The following GPC5 variants were observed in gnomAD, a reference collection of about 807,000 sequenced individuals.
GPC5 encodes glypican 5.
In GPC5, 47 loss-of-function variants were observed where a neutral mutation model predicts 53.9. That is an observed-to-expected ratio of 0.87 (90% CI 0.69 to 1.11). The LOEUF (loss-of-function observed/expected upper bound fraction) is 1.11, where lower values mean the gene tolerates loss of function less well. Among genes scored for constraint, GPC5 ranks in the 50% most tolerant of loss-of-function variants. GPC5 has a pLI of 0.00. For synonymous variants in GPC5, 286 were observed against 263.3 expected, an observed-to-expected ratio of 1.09 and a Z score of -0.84; for missense variants, 748 against 713.1, an observed-to-expected ratio of 1.05 and a Z score of -0.56.
chr13:91,581,204 G>A (rs2139088074), intron 2 of GPC5, among the ~76,000 whole-genome samples: 1 of 152,262 alleles, frequency 6.6e-6, no homozygotes, highest in East Asian at 1.9e-4. Context: ...CTTTACATAT[G>A]TGTCTATGTG....
chr13:92,067,251 C>T (rs1431914155), intron 6 of GPC5, among the ~76,000 whole-genome samples: 1 of 151,922 alleles, frequency 6.6e-6, no homozygotes, highest in East Asian at 1.9e-4. Flanking sequence ...AATGAAGGAA[C>T]AATATGTTTT....
At chr13:92,249,565 A>C (rs1022477171) in intron 7 of GPC5, among the ~76,000 whole-genome samples, 1 of 151,834 alleles carries the variant, frequency 6.6e-6, no homozygotes, top group African/African-American at 2.4e-5. Flanking sequence ...TCCTACTGTC[A>C]CTTTTCTTTT....
intron 2 of GPC5, among the ~76,000 whole-genome samples, chr13:91,515,612 G>A (rs1390773635): frequency 6.6e-6 from 1 of 152,030 alleles, no homozygotes; most frequent in African/African-American, 2.4e-5. Context: ...CCTTTCTATG[G>A]TACATGAGTC....
intron 2 of GPC5, among the ~76,000 whole-genome samples, chr13:91,677,696 T>G (rs1030595243): frequency 1.3e-5 from 2 of 152,204 alleles, no homozygotes; most frequent in African/African-American, 4.8e-5. Context: ...TTTTTTGAAT[T>G]GGTAAATGTT....
chr13:91,974,878 G>A lies in GPC5; in HGVS notation c.1401+66821G>A, dbSNP rs2139098005. Among the ~76,000 whole-genome samples the A allele has an allele frequency of 1.3e-5, 2 of 152,188 alleles. 1 individual carries two copies. Reference sequence around the variant, plus strand: ...TACCTGACTTCAAACTATACTACAAGGCTACAGTAACCAAAACAGCATGGC... The same window carrying A: ...TACCTGACTTCAAACTATACTACAAAGCTACAGTAACCAAAACAGCATGGC... On this transcript the variant is annotated intron_variant, in intron 6 of 7. Coordinates refer to ENST00000377067, the MANE Select transcript of GPC5 (RefSeq NM_004466.6).
chr13:92,647,802 G>A (rs1010123841), intron 7 of GPC5, among the ~76,000 whole-genome samples: 1 of 152,014 alleles, frequency 6.6e-6, no homozygotes, highest in African/African-American at 2.4e-5. Context: ...TGAAATTTAA[G>A]TAGAATATAT....
At chr13:92,584,450 GC>G (rs1883470589) in intron 7 of GPC5, among the ~76,000 whole-genome samples, 1 of 152,110 alleles carries the variant, frequency 6.6e-6, no homozygotes, top group South Asian at 2.1e-4. Context: ...AGGGTATCTG[GC>G]AAAAGACATT....
At chr13:91,783,282 A>G (rs948943656) in intron 5 of GPC5, among the ~76,000 whole-genome samples, 3 of 152,056 alleles carry the variant, frequency 2.0e-5, no homozygotes, top group Admixed American at 1.3e-4. Context: ...ATAAATAAAT[A>G]CAATTTGAAG....
intron 7 of GPC5, among the ~76,000 whole-genome samples, chr13:92,537,123 T>C (rs980630633): frequency 6.6e-6 from 1 of 152,152 alleles, no homozygotes; most frequent in East Asian, 1.9e-4. Context: ...AAGGTATTCA[T>C]TTACATTATG....
chr13:92,773,187 C>T (rs574177754), intron 7 of GPC5, among the ~76,000 whole-genome samples: 3 of 152,198 alleles, frequency 2.0e-5, no homozygotes, highest in East Asian at 3.9e-4. Flanking sequence ...GAAATAAATA[C>T]ACATTCTCTT....
chr13:91,405,082 G>A (rs1566367103), intron 1 of GPC5, among the ~76,000 whole-genome samples: 1 of 152,160 alleles, frequency 6.6e-6, no homozygotes, highest in Non-Finnish European at 1.5e-5. Context: ...AGAACTGTAG[G>A]TTTCCAGTAT....
At chr13:92,485,903 T>TTGCAG (rs1233328379) in intron 7 of GPC5, among the ~76,000 whole-genome samples, 16 of 152,092 alleles carry the variant, frequency 1.1e-4, no homozygotes, top group South Asian at 1.0e-3. Context: ...GAGGCAGAGG[T>TTGCAG]TGCAGTGAGC....
intron 5 of GPC5, among the ~76,000 whole-genome samples, chr13:91,885,878 G>A (rs1486006785): frequency 6.6e-6 from 1 of 152,016 alleles, no homozygotes. Context: ...GTTTCTTATG[G>A]TTTGAAAGTC....
chr13:92,659,798 GTTCC>G (rs1182132860), intron 7 of GPC5, among the ~76,000 whole-genome samples: 1 of 152,188 alleles, frequency 6.6e-6, no homozygotes, highest in Admixed American at 6.5e-5. Flanking sequence ...TAGGGCTGAT[GTTCC>G]CTGAGGAAGT....
intron 6 of GPC5, among the ~76,000 whole-genome samples, chr13:92,138,430 G>A (rs377054625): frequency 1.5e-4 from 23 of 151,966 alleles, no homozygotes; most frequent in African/African-American, 5.6e-4. Context: ...TGACACAGGA[G>A]AATTGCTTGA....
At chr13:91,621,065 C>T (rs1265935619) in intron 2 of GPC5, among the ~76,000 whole-genome samples, 3 of 152,036 alleles carry the variant, frequency 2.0e-5, no homozygotes, top group Non-Finnish European at 4.4e-5. Context: ...TAAGGGGGTC[C>T]TCTGTTAGAA....
chr13:91,659,053 T>C (rs2034919446), intron 2 of GPC5, among the ~76,000 whole-genome samples: 1 of 152,202 alleles, frequency 6.6e-6, no homozygotes, highest in African/African-American at 2.4e-5. Flanking sequence ...AGGTAGCAAC[T>C]CAGCATCATG....
At chr13:92,693,314 G>A (rs1887468131) in intron 7 of GPC5, among the ~76,000 whole-genome samples, 1 of 152,146 alleles carries the variant, frequency 6.6e-6, no homozygotes. Flanking sequence ...AATGGACAGA[G>A]GTTGGAACAG....
intron 5 of GPC5, among the ~76,000 whole-genome samples, chr13:91,826,464 A>G (rs1229741842): frequency 3.9e-5 from 6 of 152,056 alleles, no homozygotes; most frequent in Non-Finnish European, 7.4e-5. Context: ...TAAGAGGTCA[A>G]TTCTCCCCTA....
Sources: allele counts gnomAD v4.1 joint callset (sites outside exome capture counted in the v4.1 genomes callset), GRCh38; gene constraint gnomAD v4.1.1; transcripts MANE v1.5; gene names NCBI Gene and HGNC (gene_info 2026-07-23, HGNC 2026-07-21).